The following PRDM6 variants were observed in gnomAD, a reference collection of about 807,000 sequenced individuals.
PRDM6 encodes putative histone-lysine N-methyltransferase PRDM6.
PRDM6 carries 25 observed loss-of-function variants against 60.8 expected under a neutral mutation model. The ratio of observed to expected loss-of-function variants is 0.41; its 90% CI spans 0.30 to 0.57. The LOEUF is 0.57. Ranked by LOEUF, PRDM6 falls within the 20% of genes least tolerant of loss-of-function variation. The probability of loss-of-function intolerance (pLI) is 0.27; values close to 1 mark genes in which losing one functional copy is unlikely to be tolerated. For synonymous variants in PRDM6, 407 were observed against 357.4 expected (o/e 1.14, Z -1.57); for missense variants, 839 against 821.3 (o/e 1.02, Z -0.26).
chr5:123,179,223 A>T (rs950984038), intron 6 of PRDM6, among the ~76,000 whole-genome samples: 11 of 152,204 alleles, frequency 7.2e-5, no homozygotes, highest in Admixed American at 5.9e-4. Flanking sequence ...GCTGGGAAGA[A>T]TGTGCTCTGA....
intron 3 of PRDM6, among the ~76,000 whole-genome samples, chr5:123,153,159 A>G (rs1007726119): frequency 1.3e-5 from 2 of 151,866 alleles, no homozygotes; most frequent in Admixed American, 1.3e-4. Flanking sequence ...ATTAGGTAAC[A>G]TAGCTTCTCT....
intron 4 of PRDM6, among the ~76,000 whole-genome samples, chr5:123,157,992 G>A (rs191783576): frequency 1.3e-5 from 2 of 152,318 alleles, no homozygotes; most frequent in Admixed American, 1.3e-4. Flanking sequence ...TCCCTTTGAT[G>A]TGCTTCAACA....
intron 6 of PRDM6, among the ~76,000 whole-genome samples, chr5:123,172,887 C>T (rs936119271): frequency 1.3e-5 from 2 of 152,160 alleles, no homozygotes; most frequent in South Asian, 2.1e-4. Context: ...ATCTCAGTTA[C>T]GCTTAGAAAA....
intron 3 of PRDM6, among the ~76,000 whole-genome samples, chr5:123,149,666 AC>A (rs1262063540): frequency 6.6e-6 from 1 of 152,154 alleles, no homozygotes; most frequent in Non-Finnish European, 1.5e-5. Flanking sequence ...ATGCTTCCTT[AC>A]CGTTTTCTGA....
chr5:123,181,283 T>C (rs1285321257), intron 7 of PRDM6, among the ~76,000 whole-genome samples: 1 of 152,220 alleles, frequency 6.6e-6, no homozygotes, highest in Non-Finnish European at 1.5e-5. Flanking sequence ...AAACGTATTA[T>C]AGGGTGAAAA....
intron 5 of PRDM6, among the ~76,000 whole-genome samples, chr5:123,165,234 T>C (rs1169338924): frequency 6.6e-6 from 1 of 152,158 alleles, no homozygotes; most frequent in African/African-American, 2.4e-5. Flanking sequence ...CAACTCCAAC[T>C]AAACCTGCGT....
At chr5:123,126,883 G>A (rs1764705439) in intron 3 of PRDM6, among the ~76,000 whole-genome samples, 1 of 152,064 alleles carries the variant, frequency 6.6e-6, no homozygotes, top group African/African-American at 2.4e-5. Flanking sequence ...AACCTTTTAT[G>A]TTTTATAACG....
intron 2 of PRDM6, among the ~76,000 whole-genome samples, chr5:123,095,747 C>G (rs1561798242): frequency 6.6e-6 from 1 of 152,196 alleles, no homozygotes; most frequent in South Asian, 2.1e-4. Context: ...ACGAAGGCGT[C>G]GGGCAGGTAC....
In PRDM6 at chr5:123,136,985, G is replaced by C. The variant is rs537512598; in HGVS notation, c.901-18899G>C. Among the ~76,000 whole-genome samples, 20 of 152,278 alleles carry C rather than the reference G, an allele frequency of 1.3e-4. No individual in the cohort carries two copies. The South Asian group carries it at 3.5e-3, about 27-fold the overall frequency. On this transcript the variant is annotated intron_variant, in intron 3 of 7. Coordinates refer to ENST00000407847, the MANE Select transcript of PRDM6 (RefSeq NM_001136239.4). Reference sequence around the variant, plus strand: ...TTCCCAGCTACATCTCTTTCTAACTGTATAATCTTGTGCAAGACACTTCTT... The same window carrying C: ...TTCCCAGCTACATCTCTTTCTAACTCTATAATCTTGTGCAAGACACTTCTT...
At position 123,189,284 on chromosome 5, in the gene PRDM6, A is replaced by G. The variant is rs914567636; in HGVS notation, c.*2083A>G. 6.6e-6 allele frequency: 1 copy of G among 152,226 alleles called. No homozygotes were observed. The highest frequency in any genetic ancestry group is 1.5e-5 in the Non-Finnish European group (1 of 68,032). 9.4% of individuals were successfully genotyped at this position (152,226 alleles called of 1,614,324 possible). A position where few individuals can be genotyped will look rare whatever the true frequency, so the allele number is the denominator to read the frequency against. ...AGATGAGTAAGCTGTTCCATTTGTT[A>G]AGGTTGAAAGATTTACTCAAACTTT... is the stretch of plus-strand genomic sequence containing the variant. On this transcript the variant is annotated 3_prime_UTR_variant, in exon 8 of 8. Coordinates refer to ENST00000407847, the MANE Select transcript of PRDM6 (RefSeq NM_001136239.4).
intron 3 of PRDM6, among the ~76,000 whole-genome samples, chr5:123,129,971 C>T (rs1764783187): frequency 1.3e-5 from 2 of 151,068 alleles, no homozygotes; most frequent in South Asian, 4.2e-4. Flanking sequence ...TCCCTCCCTT[C>T]CCCTTCCCCT....
chr5:123,090,040 G>A lies in PRDM6; in HGVS notation c.26G>A (p.Gly9Asp). 2 of 1,548,162 alleles carry A rather than the reference G, an allele frequency of 1.3e-6. No individual in the cohort carries two copies. Among genetic ancestry groups the A allele is most frequent in the Non-Finnish European group, 1.7e-6 (2 of 1,145,958 alleles). Residue 9 changes from glycine to aspartate, a missense_variant, in exon 2 of 8, where the codon GGT becomes GAT. Around this residue, in one of 2 missense-constraint regions of PRDM6, gnomAD observed 730 missense variants for 648.8 expected, o/e 1.13. Transcript: ENST00000407847. MLKPGDPG[G>D]SAFLKVDPAY... ...ATGCTGAAGCCCGGAGACCCCGGCG[G>A]TTCGGCCTTCCTCAAAGTGGACCCA... is the stretch of plus-strand genomic sequence containing the variant.
At chr5:123,185,312 G>C (rs548563755) in intron 7 of PRDM6, among the ~76,000 whole-genome samples, 1 of 151,956 alleles carries the variant, frequency 6.6e-6, no homozygotes, top group South Asian at 2.1e-4. Flanking sequence ...AGAGCTTCAA[G>C]ATAAAAAAAA....
chr5:123,132,275 G>T (rs978535782), intron 3 of PRDM6, among the ~76,000 whole-genome samples: 1 of 152,104 alleles, frequency 6.6e-6, no homozygotes, highest in African/African-American at 2.4e-5. Context: ...GTGTATAAAT[G>T]TAGAGAAACA....
chr5:123,171,543 A>AT (rs1244696792), intron 6 of PRDM6, among the ~76,000 whole-genome samples: 2 of 152,144 alleles, frequency 1.3e-5, no homozygotes, highest in Non-Finnish European at 2.9e-5. Flanking sequence ...ATGAATTGGA[A>AT]TTTTTTGCTT....
In PRDM6 at chr5:123,099,588, A is replaced by AGATGGGCC. The variant is rs1218847417; in HGVS notation, c.593-64_593-57dup. 4 of 1,385,798 alleles carry AGATGGGCC rather than the reference A, an allele frequency of 2.9e-6. No individual in the cohort carries two copies. The East Asian group carries it at 1.1e-4, about 38-fold the overall frequency. 85.8% of individuals were successfully genotyped at this position (1,385,798 alleles called of 1,614,324 possible). A position where few individuals can be genotyped will look rare whatever the true frequency, so the allele number is the denominator to read the frequency against. On this transcript the variant is annotated intron_variant, in intron 2 of 7. Transcript: ENST00000407847. This position sits in a 1 kb window ranked among gnomAD's most constrained non-coding sequence, Gnocchi z 4.0. ...GCTGTTGTCTCGGGAGTTTACTCAA[A>AGATGGGCC]GATGGGCCGCTCGGGGCGGCCGGAT...
At chr5:123,095,143 C>G (rs1763928273) in intron 2 of PRDM6, among the ~76,000 whole-genome samples, 1 of 152,236 alleles carries the variant, frequency 6.6e-6, no homozygotes, top group African/African-American at 2.4e-5. Flanking sequence ...GGATCTGCTT[C>G]TAGACCCGCT....
rs1766458131 is a variant in PRDM6, at chr5:123,192,842, T to G, written c.*5641T>G. On this transcript the variant is annotated 3_prime_UTR_variant, in exon 8 of 8. Coordinates refer to ENST00000407847, the MANE Select transcript of PRDM6 (RefSeq NM_001136239.4). ...TCAATGGAGTCATTACGCAGTTGTG[T>G]GCATTAAGAATATGGGCTTATGTTG... 6.6e-6 allele frequency: 1 copy of G among 152,238 alleles called. No individual in the cohort carries two copies. Among genetic ancestry groups the G allele is most frequent in the Admixed American group, 6.5e-5 (1 of 15,288 alleles). 9.4% of individuals were successfully genotyped at this position (152,238 alleles called of 1,614,324 possible).
intron 7 of PRDM6, among the ~76,000 whole-genome samples, chr5:123,185,552 A>G (rs903857998): frequency 6.6e-6 from 1 of 152,188 alleles, no homozygotes; most frequent in African/African-American, 2.4e-5. Context: ...GATAGGTCTG[A>G]TACATTAAAG....
Sources: gnomAD v4.1 joint callset for allele counts (sites outside exome capture counted in the v4.1 genomes callset) on GRCh38, gnomAD v4.1.1 for gene constraint, gnomAD v4.1.1 regional missense constraint, Gnocchi (gnomAD v3.1) non-coding constraint, MANE v1.5 for transcripts, NCBI Gene and HGNC (gene_info 2026-07-23, HGNC 2026-07-21) for gene names.